Variants in OSTF1 observed in about 807,000 individuals in gnomAD.
OSTF1 encodes the protein osteoclast-stimulating factor 1.
OSTF1 carries 27 observed loss-of-function variants against 37.2 expected under a neutral mutation model. The observed-to-expected ratio is 0.73, with a 90% CI of 0.54 to 1.00. The LOEUF (loss-of-function observed/expected upper bound fraction) is 1.00. OSTF1 is among the 50% of genes least tolerant of loss of function. The probability of loss-of-function intolerance (pLI) is 0.00; values close to 1 mark genes in which losing one functional copy is unlikely to be tolerated. For synonymous variants in OSTF1, 82 were observed against 89.2 expected, an observed-to-expected ratio of 0.92 and a Z score of 0.46; for missense variants, 232 against 253.8, an observed-to-expected ratio of 0.91 and a Z score of 0.58.
intron 1 of OSTF1, among the ~76,000 whole-genome samples, chr9:75,114,761 C>G (rs1198665060): frequency 6.6e-6 from 1 of 152,110 alleles, no homozygotes; most frequent in Admixed American, 6.5e-5. Context: ...GCCATGTTGG[C>G]CAGGCTGGGC....
intron 9 of OSTF1, among the ~76,000 whole-genome samples, chr9:75,145,521 A>G (rs1826009746): frequency 6.6e-6 from 1 of 152,210 alleles, no homozygotes; most frequent in Non-Finnish European, 1.5e-5. Flanking sequence ...TGATATTCTA[A>G]TTAAATCACT....
At chr9:75,143,780 A>G (rs577953010) in intron 9 of OSTF1, among the ~76,000 whole-genome samples, 4 of 152,334 alleles carry the variant, frequency 2.6e-5, no homozygotes, top group East Asian at 1.9e-4. Context: ...ATACATTCCT[A>G]TGCGTGCTAT....
Position 75,127,646 on chromosome 9 carries a change from C to T in OSTF1, c.132+27C>T. 4 of 1,279,320 alleles carry T rather than the reference C, an allele frequency of 3.1e-6. No individual in the cohort carries two copies. In the South Asian group the frequency reaches 3.9e-5, roughly 12 times the overall value. The allele number at this position is 1,279,320 out of a possible 1,614,324, so 79.2% of individuals were successfully genotyped here. A position where few individuals can be genotyped will look rare whatever the true frequency, so the allele number is the denominator to read the frequency against. On this transcript the variant is annotated intron_variant, in intron 3 of 9. Transcript: ENST00000346234. ...TAAGTCCAGATAACATCTTGTAATA[C>T]CACATATAAAGACTGTTTTATGTAG...
Position 75,140,904 on chromosome 9 carries a change from A to G in OSTF1, c.558A>G (p.Ala186=). The G allele has an allele frequency of 6.2e-7, 1 of 1,613,232 alleles. No homozygotes were observed. Among genetic ancestry groups the G allele is most frequent in the Non-Finnish European group, 8.5e-7 (1 of 1,179,212 alleles). ...ACATGGCTACCAATGCTGCCTGTGC[A>G]TCTCTCCTGAAAAAGAAACAGGGAA... ...AFDMATNAAC[A]SLLKKKQGTD... Residue 186 remains alanine, a synonymous_variant, in exon 9 of 10, where the codon GCA becomes GCG. Coordinates refer to ENST00000346234, the MANE Select transcript of OSTF1 (RefSeq NM_012383.5).
chr9:75,135,170 T>A (rs921876749), intron 7 of OSTF1, among the ~76,000 whole-genome samples: 8 of 152,144 alleles, frequency 5.3e-5, no homozygotes, highest in African/African-American at 1.9e-4. Flanking sequence ...TCAAGTAGAT[T>A]CCTGAGAAAG....
intron 7 of OSTF1, among the ~76,000 whole-genome samples, chr9:75,135,923 T>A (rs73652705): frequency 0.017 from 2,520 of 152,328 alleles, 64 homozygotes; most frequent in African/African-American, 0.058. Flanking sequence ...GCTTTCTTCC[T>A]CAAGGCCAGA....
chr9:75,127,686 G>A, intron 3 of OSTF1, 67 bp downstream of exon 3: 1 of 851,848 alleles, frequency 1.2e-6, no homozygotes, highest in Non-Finnish European at 1.9e-6. Context: ...AACATTGTAA[G>A]TTATTTAAAT....
intron 1 of OSTF1, among the ~76,000 whole-genome samples, chr9:75,113,565 C>T (rs1288071074): frequency 2.0e-5 from 3 of 152,112 alleles, no homozygotes; most frequent in African/African-American, 4.8e-5. Flanking sequence ...CCTCCCACCT[C>T]AGCCTCCCCA....
At chr9:75,142,357 A>T (rs539015379) in intron 9 of OSTF1, among the ~76,000 whole-genome samples, 2 of 152,102 alleles carry the variant, frequency 1.3e-5, no homozygotes, top group East Asian at 3.9e-4. Flanking sequence ...TGCTGCCTTG[A>T]TTGGGTCAGG....
intron 7 of OSTF1, among the ~76,000 whole-genome samples, chr9:75,134,808 A>T (rs572452590): frequency 2.6e-5 from 4 of 152,192 alleles, no homozygotes; most frequent in Admixed American, 2.6e-4. Context: ...TGGTTATATT[A>T]CTATATAATA....
intron 1 of OSTF1, among the ~76,000 whole-genome samples, chr9:75,114,601 G>A (rs1825449670): frequency 6.7e-6 from 1 of 150,300 alleles, no homozygotes. Context: ...CACCCAGGCT[G>A]GAGTGCAGTG....
intron 1 of OSTF1, among the ~76,000 whole-genome samples, chr9:75,104,525 G>T (rs941859543): frequency 6.6e-6 from 1 of 152,140 alleles, no homozygotes; most frequent in Non-Finnish European, 1.5e-5. Context: ...GGGTGACAGA[G>T]TGAGACCCTG....
intron 1 of OSTF1, among the ~76,000 whole-genome samples, chr9:75,100,712 C>A (rs945044301): frequency 1.4e-5 from 2 of 143,986 alleles, no homozygotes; most frequent in African/African-American, 5.2e-5. Flanking sequence ...GCCTGGGCAA[C>A]AGAGTGAGAC....
At chr9:75,107,347 C>G (rs1053033834) in intron 1 of OSTF1, among the ~76,000 whole-genome samples, 1 of 151,762 alleles carries the variant, frequency 6.6e-6, no homozygotes, top group African/African-American at 2.4e-5. Flanking sequence ...TTTTTTAGTA[C>G]CCACGGGGTA....
At chr9:75,130,732 A>G in intron 4 of OSTF1, 91 bp downstream of exon 4, 1 of 804,124 alleles carries the variant, frequency 1.2e-6, no homozygotes, top group South Asian at 1.4e-5. Context: ...TGGCTGAGAA[A>G]GCAATGGAGT....
At chr9:75,138,210 C>T (rs571219183) in intron 8 of OSTF1, among the ~76,000 whole-genome samples, 3 of 152,340 alleles carry the variant, frequency 2.0e-5, no homozygotes, top group Middle Eastern at 3.4e-3. Context: ...CTATACCATA[C>T]TCTAGTCCAG....
intron 2 of OSTF1, among the ~76,000 whole-genome samples, chr9:75,124,560 A>C (rs1427331599): frequency 5.3e-5 from 8 of 152,158 alleles, no homozygotes; most frequent in Non-Finnish European, 1.2e-4. Context: ...TTTCCAAATT[A>C]ACCATTTTAA....
Position 75,146,633 on chromosome 9 carries a change from A to G in OSTF1, c.587-50A>G, listed in dbSNP as rs552099978. On this transcript the variant is annotated intron_variant, in intron 9 of 9. Transcript: ENST00000346234. ...TTTGAAAATGAAAAAATAAAATCTG[A>G]GCAGTTTATAATTTCCCTATTTTGC... 6.1e-5 allele frequency: 72 copies of G among 1,187,402 alleles called. No homozygotes were observed. The South Asian group carries it at 7.6e-4, about 13-fold the overall frequency. The allele number at this position is 1,187,402 out of a possible 1,614,324, so 73.6% of individuals were successfully genotyped here.
At chr9:75,127,707 A>G in intron 3 of OSTF1, 88 bp downstream of exon 3, 1 of 709,022 alleles carries the variant, frequency 1.4e-6, no homozygotes, top group Admixed American at 2.8e-5. Flanking sequence ...ATATATGTAC[A>G]TAGAAATACA....
Sources: allele counts gnomAD v4.1 joint callset (sites outside exome capture counted in the v4.1 genomes callset), GRCh38; gene constraint gnomAD v4.1.1; transcripts MANE v1.5; gene names NCBI Gene and HGNC (gene_info 2026-07-23, HGNC 2026-07-21).